Variants in KIAA1328 observed in about 807,000 individuals in gnomAD.
KIAA1328 encodes KIAA1328.
Under a neutral mutation model 68.1 loss-of-function variants are expected in KIAA1328, and 52 were observed. That is an observed-to-expected ratio of 0.76 (90% CI 0.61 to 0.96). KIAA1328 has a LOEUF of 0.96. KIAA1328 is among the 40% of genes least tolerant of loss of function. The probability of loss-of-function intolerance (pLI) is 0.00; values close to 1 mark genes in which losing one functional copy is unlikely to be tolerated. For synonymous variants in KIAA1328, 232 were observed against 239.4 expected (o/e 0.97, Z 0.28); for missense variants, 641 against 677.6 (o/e 0.95, Z 0.60).
intron 6 of KIAA1328, among the ~76,000 whole-genome samples, chr18:36,980,523 A>G (rs529795550): frequency 1.1e-4 from 16 of 152,200 alleles, no homozygotes; most frequent in Non-Finnish European, 1.6e-4. Flanking sequence ...TGCTTCCACA[A>G]CAATTGGGCA....
rs570891403 is a variant in KIAA1328 at position 36,957,296 on chromosome 18, C to G, written c.449-2012C>G. Among the ~76,000 whole-genome samples the G allele has an allele frequency of 1.1e-3, 165 of 152,186 alleles. 2 individuals are homozygous for G. The highest frequency in any genetic ancestry group is 3.9e-3 in the African/African-American group (163 of 41,530). On this transcript the variant is annotated intron_variant, in intron 5 of 9. Transcript: ENST00000280020. ...GTAAAAGTATGTATACAGAATAAAT[C>G]CCATTGGATAGTAATTTTTATACCA... is the stretch of plus-strand genomic sequence containing the variant.
At chr18:37,206,122 A>G (rs2060210958) in intron 9 of KIAA1328, among the ~76,000 whole-genome samples, 2 of 152,156 alleles carry the variant, frequency 1.3e-5, no homozygotes, top group East Asian at 1.9e-4. Context: ...AAGGAAATGT[A>G]TACATTGTAA....
chr18:36,931,379 A>C (rs1375204120), intron 5 of KIAA1328, among the ~76,000 whole-genome samples: 3 of 151,984 alleles, frequency 2.0e-5, no homozygotes, highest in Non-Finnish European at 2.9e-5. Context: ...CCCTATTGTG[A>C]ACTGTACACG....
intron 6 of KIAA1328, among the ~76,000 whole-genome samples, chr18:37,003,689 A>G (rs377429287): frequency 7.2e-5 from 11 of 152,020 alleles, no homozygotes; most frequent in African/African-American, 2.7e-4. Flanking sequence ...AGGGTTTTCG[A>G]TGTTATCTTC....
intron 6 of KIAA1328, among the ~76,000 whole-genome samples, chr18:37,030,454 A>G (rs896694987): frequency 6.6e-6 from 1 of 152,050 alleles, no homozygotes. Flanking sequence ...TTATTGCCCA[A>G]TCTCTGACAG....
chr18:37,075,933 A>T (rs2056715714), intron 7 of KIAA1328, among the ~76,000 whole-genome samples: 1 of 152,180 alleles, frequency 6.6e-6, no homozygotes, highest in Non-Finnish European at 1.5e-5. Flanking sequence ...ACGAGACAGA[A>T]AGTTAACAAG....
intron 7 of KIAA1328, among the ~76,000 whole-genome samples, chr18:37,109,419 A>G (rs1436875357): frequency 6.6e-6 from 1 of 152,182 alleles, no homozygotes; most frequent in Non-Finnish European, 1.5e-5. Flanking sequence ...GCTTTTTTGT[A>G]TGTAATAACT....
intron 6 of KIAA1328, among the ~76,000 whole-genome samples, chr18:37,003,998 A>G (rs775590595): frequency 2.0e-5 from 3 of 152,098 alleles, no homozygotes; most frequent in Non-Finnish European, 4.4e-5. Context: ...GCCCTATAGT[A>G]TAGTTTGAAT....
intron 5 of KIAA1328, among the ~76,000 whole-genome samples, chr18:36,922,046 G>T (rs752743645): frequency 6.6e-6 from 1 of 151,684 alleles, no homozygotes; most frequent in Non-Finnish European, 1.5e-5. Context: ...TCCTGCCTCA[G>T]CCTCCAGAGA....
chr18:37,229,461 T>C (rs2154228311), downstream of KIAA1328: 3 of 832,998 alleles, frequency 3.6e-6, no homozygotes, highest in South Asian at 1.9e-5. Flanking sequence ...AAAATGAAGT[T>C]TAGCAAAACT....
At chr18:36,830,866 G>A (rs2046463003) in intron 1 of KIAA1328, among the ~76,000 whole-genome samples, 1 of 152,202 alleles carries the variant, frequency 6.6e-6, no homozygotes, top group South Asian at 2.1e-4. Flanking sequence ...TGTATGAAAG[G>A]AATTGCAAAG....
At chr18:37,193,934 G>C (rs2059955328) in intron 9 of KIAA1328, among the ~76,000 whole-genome samples, 2 of 152,206 alleles carry the variant, frequency 1.3e-5, no homozygotes, top group Admixed American at 1.3e-4. Flanking sequence ...TAGCTGTATA[G>C]ATGAATGCAT....
chr18:36,926,855 T>G (rs1323053980), intron 5 of KIAA1328, among the ~76,000 whole-genome samples: 5 of 152,102 alleles, frequency 3.3e-5, no homozygotes, highest in African/African-American at 1.2e-4. Context: ...TCTGCATGCT[T>G]TATAGGAAGC....
chr18:37,081,811 T>G (rs1270327320), intron 7 of KIAA1328, among the ~76,000 whole-genome samples: 1 of 152,220 alleles, frequency 6.6e-6, no homozygotes, highest in East Asian at 1.9e-4. Context: ...ATCTCTGTCC[T>G]ACTTTTCCAT....
At chr18:37,203,609 T>C (rs1334979817) in intron 9 of KIAA1328, among the ~76,000 whole-genome samples, 1 of 152,212 alleles carries the variant, frequency 6.6e-6, no homozygotes, top group Non-Finnish European at 1.5e-5. Flanking sequence ...TAATGTTAAG[T>C]ACCAGGTACA....
In KIAA1328 at chr18:37,092,167, C is replaced by T. The variant is rs181661533; in HGVS notation, c.1232+24622C>T. Among the ~76,000 whole-genome samples, 16 of 152,212 alleles carry T rather than the reference C, an allele frequency of 1.1e-4. No homozygotes were observed. The East Asian group carries it at 2.1e-3, about 20-fold the overall frequency. ...CACCCAGCCCACTGCTGCTGGCACA[C>T]GTGCATTCTTTAGGGGCCCGGGGAT... is the stretch of plus-strand genomic sequence containing the variant. On this transcript the variant is annotated intron_variant, in intron 7 of 9. Transcript: ENST00000280020.
intron 9 of KIAA1328, among the ~76,000 whole-genome samples, chr18:37,211,985 CT>C (rs2060326194): frequency 6.6e-6 from 1 of 152,186 alleles, no homozygotes. Flanking sequence ...GTATCCCCCC[CT>C]AGCTATTTTA....
chr18:37,133,514 T>C (rs1252170403), intron 7 of KIAA1328, among the ~76,000 whole-genome samples: 1 of 149,552 alleles, frequency 6.7e-6, no homozygotes, highest in Non-Finnish European at 1.5e-5. Flanking sequence ...AGTCAACTTT[T>C]CTATATAGTA....
intron 6 of KIAA1328, among the ~76,000 whole-genome samples, chr18:37,038,161 A>T (rs926836030): frequency 1.3e-5 from 2 of 151,752 alleles, no homozygotes; most frequent in Non-Finnish European, 2.9e-5. Flanking sequence ...CCTAGCCCAC[A>T]GGTAGCCTTT....
Sources: gnomAD v4.1 joint callset for allele counts (sites outside exome capture counted in the v4.1 genomes callset) on GRCh38, gnomAD v4.1.1 for gene constraint, MANE v1.5 for transcripts, NCBI Gene and HGNC (gene_info 2026-07-23, HGNC 2026-07-21) for gene names.